The following RIGI variants were observed in gnomAD, a reference collection of about 807,000 sequenced individuals.
The protein encoded by RIGI is RNA sensor RIG-I.
the RIGI span, chr9:32,488,247 T>A: frequency 5.1e-6 from 8 of 1,583,406 alleles, no homozygotes; most frequent in Non-Finnish European, 6.9e-6. Context: ...ACGATGTGGA[T>A]AAGGAACCAC....
the RIGI span, chr9:32,488,700 G>A: frequency 1.1e-5 from 17 of 1,487,710 alleles, no homozygotes; most frequent in Middle Eastern, 3.6e-4. Flanking sequence ...CATGAAGCTG[G>A]AGAAAAAGAA....
At chr9:32,482,657 G>T in the RIGI span, among the ~76,000 whole-genome samples, 1 of 152,092 alleles carries the variant, frequency 6.6e-6, no homozygotes, top group Admixed American at 6.6e-5. Flanking sequence ...TCAAGAGATT[G>T]AGATCACCCT....
chr9:32,499,332 T>C, the RIGI span, among the ~76,000 whole-genome samples: 1 of 150,048 alleles, frequency 6.7e-6, no homozygotes, highest in African/African-American at 2.4e-5. Flanking sequence ...TTTTTTTTTT[T>C]TTTTTGCTTT....
the RIGI span, among the ~76,000 whole-genome samples, chr9:32,490,708 C>A: frequency 6.6e-6 from 1 of 152,158 alleles, no homozygotes; most frequent in Non-Finnish European, 1.5e-5. Context: ...AGAAAATATG[C>A]TTTGAGAAGC....
chr9:32,495,271 G>A, the RIGI span, among the ~76,000 whole-genome samples: 13 of 148,716 alleles, frequency 8.7e-5, no homozygotes, highest in African/African-American at 1.2e-4. Flanking sequence ...GCACGATCTC[G>A]GCTCACTGCA....
the RIGI span, among the ~76,000 whole-genome samples, chr9:32,491,605 G>A: frequency 0.01 from 1,542 of 151,006 alleles, 26 homozygotes; most frequent in African/African-American, 0.032. Context: ...TCAATTTGGC[G>A]TTGACCTCCA....
At chr9:32,503,698 C>T in the RIGI span, among the ~76,000 whole-genome samples, 1 of 152,144 alleles carries the variant, frequency 6.6e-6, no homozygotes, top group Non-Finnish European at 1.5e-5. Flanking sequence ...GAATACTGCC[C>T]ACCTGGTGCC....
the RIGI span, chr9:32,500,693 A>G: frequency 1.5e-6 from 2 of 1,297,642 alleles, no homozygotes; most frequent in East Asian, 4.7e-5. Context: ...TCTCAGACTA[A>G]GAGGCATGAA....
At chr9:32,456,020 CA>C in the RIGI span, 1 of 152,250 alleles carries the variant, frequency 6.6e-6, no homozygotes, top group South Asian at 2.1e-4. Context: ...CAGGAAACCG[CA>C]AACTAAGCTC....
At chr9:32,474,061 G>A in the RIGI span, among the ~76,000 whole-genome samples, 2 of 151,954 alleles carry the variant, frequency 1.3e-5, no homozygotes, top group Non-Finnish European at 2.9e-5. Flanking sequence ...AATTAGCTGG[G>A]TGTGGTGGTT....
the RIGI span, among the ~76,000 whole-genome samples, chr9:32,491,757 A>G: frequency 6.7e-6 from 1 of 150,320 alleles, no homozygotes; most frequent in Non-Finnish European, 1.5e-5. Flanking sequence ...GCAGACATTC[A>G]TGTCTTCCTT....
the RIGI span, chr9:32,480,392 G>T: frequency 6.5e-7 from 1 of 1,537,056 alleles, no homozygotes; most frequent in Non-Finnish European, 8.9e-7. Context: ...TGCTTCCAAT[G>T]TCTAACACAT....
chr9:32,522,844 T>C, the RIGI span, among the ~76,000 whole-genome samples: 25 of 152,094 alleles, frequency 1.6e-4, 1 homozygote, highest in Admixed American at 1.4e-3. Context: ...ACCAACACAA[T>C]AGTCCCATAT....
At chr9:32,488,145 C>T in the RIGI span, 2 of 1,614,100 alleles carry the variant, frequency 1.2e-6, no homozygotes, top group South Asian at 2.2e-5. Flanking sequence ...TTGTTCTCAA[C>T]AATCTGTTCC....
chr9:32,481,201 G>T, the RIGI span: 1 of 773,308 alleles, frequency 1.3e-6, no homozygotes, highest in Non-Finnish European at 2.0e-6. Flanking sequence ...TTTGGAGTTT[G>T]CTTCATAAGA....
chr9:32,456,212 C>T, the RIGI span: 1 of 152,102 alleles, frequency 6.6e-6, no homozygotes, highest in Non-Finnish European at 1.5e-5. Context: ...TCAAAGAGAA[C>T]AATGGCACAC....
the RIGI span, chr9:32,488,996 TGATA>T: frequency 1.5e-5 from 13 of 869,566 alleles, no homozygotes; most frequent in South Asian, 2.2e-4. Context: ...ACTAATTAAT[TGATA>T]ATTTAAATAT....
chr9:32,500,552 G>T, the RIGI span, among the ~76,000 whole-genome samples: 47 of 151,814 alleles, frequency 3.1e-4, no homozygotes. Context: ...ACTAATTTTT[G>T]TATACTGGTC....
At chr9:32,469,739 G>A in the RIGI span, among the ~76,000 whole-genome samples, 1 of 152,168 alleles carries the variant, frequency 6.6e-6, no homozygotes, top group African/African-American at 2.4e-5. Context: ...GTGAAGTTTG[G>A]ATGTGATAAT....
Sources: gnomAD v4.1 joint callset for allele counts (sites outside exome capture counted in the v4.1 genomes callset) on GRCh38, gnomAD v4.1.1 for gene constraint, MANE v1.5 for transcripts, NCBI Gene and HGNC (gene_info 2026-07-23, HGNC 2026-07-21) for gene names.